MACO1: variants seen among roughly 807,000 people sequenced by gnomAD.
MACO1 encodes macoilin 1, also known as macoilin.
Under a neutral mutation model 78.7 loss-of-function variants are expected in MACO1, and 14 were observed. The ratio of observed to expected loss-of-function variants is 0.18; its 90% confidence interval spans 0.12 to 0.28. MACO1 has a LOEUF of 0.28. Ranked by LOEUF, MACO1 falls within the 10% of genes least tolerant of loss-of-function variation. MACO1 has a pLI of 1.00. For synonymous variants in MACO1, 288 were observed against 291.6 expected (o/e 0.99, Z 0.12); for missense variants, 501 against 799.0 (o/e 0.63, Z 4.50).
intron 1 of MACO1, among the ~76,000 whole-genome samples, chr1:25,437,385 G>C (rs2042928827): frequency 7.0e-6 from 1 of 142,446 alleles, no homozygotes; most frequent in Non-Finnish European, 1.5e-5. Context: ...TTGAACTCCT[G>C]GGCTCAAGTG....
chr1:25,445,738 G>A (rs996763989), intron 1 of MACO1, among the ~76,000 whole-genome samples: 1 of 151,672 alleles, frequency 6.6e-6, no homozygotes, highest in Non-Finnish European at 1.5e-5. Flanking sequence ...ATCAGTATTG[G>A]AATATTTGTA....
At position 25,465,171 on chromosome 1, in the gene MACO1, C is replaced by T. The variant is rs530008802; in HGVS notation, c.1154+6279C>T. 2.6e-5 allele frequency among the ~76,000 whole-genome samples: 4 copies of T among 152,276 alleles called. No individual in the cohort carries two copies. The South Asian group carries it at 6.2e-4, about 24-fold the overall frequency. ...TTCTTTTTAGTACTGAATAATATTC[C>T]ATTGTCTGGATATACCGCAAGTTTA... On this transcript the variant is annotated intron_variant, in intron 6 of 10. Coordinates refer to ENST00000374343, the MANE Select transcript of MACO1 (RefSeq NM_018202.6).
intron 2 of MACO1, among the ~76,000 whole-genome samples, chr1:25,447,510 A>C: frequency 6.6e-6 from 1 of 152,202 alleles, no homozygotes; most frequent in East Asian, 1.9e-4. Flanking sequence ...TTTAAGTGAA[A>C]AATAGTTATA....
At chr1:25,440,248 A>T (rs1050972253) in intron 1 of MACO1, among the ~76,000 whole-genome samples, 9 of 150,216 alleles carry the variant, frequency 6.0e-5, no homozygotes, top group African/African-American at 2.0e-4. Context: ...AAAAAAAAAA[A>T]ATTAGCCAAG....
chr1:25,435,737 A>C (rs1316487076), intron 1 of MACO1, among the ~76,000 whole-genome samples: 2 of 152,346 alleles, frequency 1.3e-5, no homozygotes, highest in Non-Finnish European at 1.5e-5. Flanking sequence ...CCTGGCACGA[A>C]AGTGATAGAT....
intron 6 of MACO1, among the ~76,000 whole-genome samples, chr1:25,471,010 A>G (rs2043263618): frequency 6.6e-6 from 1 of 151,984 alleles, no homozygotes; most frequent in Admixed American, 6.6e-5. Flanking sequence ...CCTGGGCCAC[A>G]GAGTGAGAAC....
chr1:25,438,580 C>T (rs2042940234), intron 1 of MACO1, among the ~76,000 whole-genome samples: 2 of 152,168 alleles, frequency 1.3e-5, no homozygotes, highest in Non-Finnish European at 2.9e-5. Context: ...TATGTTGCTG[C>T]TAAAATGGAT....
intron 6 of MACO1, among the ~76,000 whole-genome samples, chr1:25,477,114 G>C (rs1417433276): frequency 6.6e-6 from 1 of 152,200 alleles, no homozygotes; most frequent in Non-Finnish European, 1.5e-5. Flanking sequence ...ACAAAAAGAA[G>C]CCCAGCACAG....
chr1:25,485,857 G>A lies in MACO1; in HGVS notation c.1496+62G>A, dbSNP rs2124608844. The stretch of plus-strand genomic sequence containing the variant: ...GGCTTTCCTTTACCAACAAAGACAT[G>A]GGAATTTGGTGCCTTGGGCAGGATT... On this transcript the variant is annotated intron_variant, in intron 8 of 10. Coordinates refer to ENST00000374343, the MANE Select transcript of MACO1 (RefSeq NM_018202.6). The surrounding 1 kb of genome is among the most constrained non-coding windows in gnomAD (Gnocchi z 4.3). The A allele has an allele frequency of 6.5e-7, 1 of 1,546,166 alleles. No individual in the cohort carries two copies. Among genetic ancestry groups the A allele is most frequent in the Middle Eastern group, 1.7e-4 (1 of 5,744 alleles).
chr1:25,486,535 G>A (rs949083674), intron 8 of MACO1, among the ~76,000 whole-genome samples: 12 of 152,166 alleles, frequency 7.9e-5, no homozygotes, highest in African/African-American at 9.7e-5. Context: ...GATATAGAGC[G>A]AGGGTAAATT....
At position 25,500,183 on chromosome 1, in the gene MACO1, A is replaced by G. The variant is rs1168217695; in HGVS notation, c.*1717A>G. Reference sequence around the variant, plus strand: ...TTTTTTTTTTCCTGTGGGGTTCAAAAGAATAAACATTTTCTTACAGATAAA... The same window carrying G: ...TTTTTTTTTTCCTGTGGGGTTCAAAGGAATAAACATTTTCTTACAGATAAA... On this transcript the variant is annotated 3_prime_UTR_variant, in exon 11 of 11. Transcript: ENST00000374343. 6.6e-6 allele frequency: 1 copy of G among 152,144 alleles called. No individual in the cohort carries two copies. The highest frequency in any genetic ancestry group is 1.5e-5 in the Non-Finnish European group (1 of 68,036). 9.4% of individuals were successfully genotyped at this position (152,144 alleles called of 1,614,324 possible).
At chr1:25,493,727 C>CTTTTTTTTTT (rs1189775109) in intron 10 of MACO1, among the ~76,000 whole-genome samples, 1 of 92,058 alleles carries the variant, frequency 1.1e-5, no homozygotes, top group Non-Finnish European at 2.1e-5. Context: ...TAGTTTGATT[C>CTTTTTTTTTT]TTTTTTTTTT....
At chr1:25,473,485 GA>G (rs911682141) in intron 6 of MACO1, among the ~76,000 whole-genome samples, 37 of 150,412 alleles carry the variant, frequency 2.5e-4, no homozygotes, top group East Asian at 3.9e-4. Context: ...ACATAAACAT[GA>G]AAAAAAAAAT....
intron 6 of MACO1, among the ~76,000 whole-genome samples, chr1:25,466,803 G>A (rs2043223592): frequency 6.6e-6 from 1 of 152,152 alleles, no homozygotes; most frequent in Non-Finnish European, 1.5e-5. Context: ...GGTCTAGCTT[G>A]TCAATTTTTT....
At chr1:25,488,984 A>AT (rs1240982321) in intron 8 of MACO1, among the ~76,000 whole-genome samples, 189 bp from the exon 9 acceptor site, 1 of 150,594 alleles carries the variant, frequency 6.6e-6, no homozygotes, top group Middle Eastern at 3.2e-3. Context: ...TGCCCAGCCA[A>AT]TTTTTTTTGT....
intron 1 of MACO1, among the ~76,000 whole-genome samples, chr1:25,443,960 ATGGTGT>A (rs1224079341): frequency 1.5e-4 from 22 of 145,978 alleles, no homozygotes; most frequent in African/African-American, 5.6e-4. Flanking sequence ...TTTTTAAGAG[ATGGTGT>A]CTTGGCCAGA....
At chr1:25,433,177 C>A (rs1006179700) in intron 1 of MACO1, among the ~76,000 whole-genome samples, 3 of 152,042 alleles carry the variant, frequency 2.0e-5, no homozygotes, top group Non-Finnish European at 4.4e-5. Flanking sequence ...ACTGTCTTTC[C>A]TGGTTGGAGT....
chr1:25,456,250 T>C (rs1363488087), intron 4 of MACO1, among the ~76,000 whole-genome samples: 1 of 144,652 alleles, frequency 6.9e-6, no homozygotes, highest in Non-Finnish European at 1.5e-5. Context: ...AGAGCGAGAC[T>C]CCATTTCAAA....
At chr1:25,448,344 G>A (rs2043033895) in intron 2 of MACO1, among the ~76,000 whole-genome samples, 1 of 152,108 alleles carries the variant, frequency 6.6e-6, no homozygotes, top group African/African-American at 2.4e-5. Context: ...AGTGCCTACA[G>A]TTGCAGCTAC....
Sources: allele counts gnomAD v4.1 joint callset (sites outside exome capture counted in the v4.1 genomes callset), GRCh38; gene constraint gnomAD v4.1.1; non-coding constraint Gnocchi (gnomAD v3.1); transcripts MANE v1.5; gene names NCBI Gene and HGNC (gene_info 2026-07-23, HGNC 2026-07-21).